The following PCMTD1 variants were observed in gnomAD, a reference collection of about 807,000 sequenced individuals.
PCMTD1 encodes protein-L-isoaspartate O-methyltransferase domain-containing protein 1.
Under a neutral mutation model 37.6 loss-of-function variants are expected in PCMTD1, and 12 were observed. That is an observed-to-expected ratio of 0.32 (90% CI 0.20 to 0.52). PCMTD1 has a LOEUF of 0.52. Among genes scored for constraint, PCMTD1 ranks in the 20% least tolerant of loss-of-function variants. The probability of loss-of-function intolerance (pLI) is 0.97; values close to 1 mark genes in which losing one functional copy is unlikely to be tolerated. For synonymous variants in PCMTD1, 117 were observed against 135.8 expected, an observed-to-expected ratio of 0.86 and a Z score of 0.96; for missense variants, 235 against 421.3, an observed-to-expected ratio of 0.56 and a Z score of 3.87.
chr8:51,836,250 C>T (rs1369723257), intron 3 of PCMTD1, among the ~76,000 whole-genome samples: 1 of 152,164 alleles, frequency 6.6e-6, no homozygotes, highest in Non-Finnish European at 1.5e-5. Context: ...ACCACTGTGA[C>T]AAGTAAACCC....
At chr8:51,829,544 G>C (rs11775601) in intron 5 of PCMTD1, among the ~76,000 whole-genome samples, 104,571 of 152,128 alleles carry the variant, frequency 0.69, 42,397 homozygotes, top group Non-Finnish European at 0.9. Flanking sequence ...GCTGGTGCCA[G>C]TGCCTGAAAC....
intron 1 of PCMTD1, among the ~76,000 whole-genome samples, chr8:51,884,301 T>G (rs1156574739): frequency 3.9e-5 from 6 of 152,226 alleles, no homozygotes; most frequent in African/African-American, 1.4e-4. Flanking sequence ...TCCATTTTTA[T>G]ATTTCAGTAT....
In PCMTD1 at chr8:51,892,705, ATTGT is replaced by A. The variant is rs539925593; in HGVS notation, c.-96+6221_-96+6224del. On this transcript the variant is annotated intron_variant, in intron 1 of 5. Transcript: ENST00000522514. The stretch of plus-strand genomic sequence containing the variant: ...ATCTATAATATACTCTGAGGCTGAA[ATTGT>A]TTTTTTAAGAATGAAGTGGTTCTTT... Among the ~76,000 whole-genome samples the A allele has an allele frequency of 3.3e-3, 503 of 152,346 alleles. 2 individuals are homozygous for A. The highest frequency in any genetic ancestry group is 0.011 in the African/African-American group (444 of 41,582).
At chr8:51,844,958 C>A (rs2038197418) in intron 3 of PCMTD1, 1 of 152,178 alleles carries the variant, frequency 6.6e-6, no homozygotes, top group African/African-American at 2.4e-5. Flanking sequence ...AAATCAGATA[C>A]ACAGTGAAAT....
rs754636089 is a variant in PCMTD1 at position 51,820,709 on chromosome 8, G to C, written c.716C>G (p.Ala239Gly). 8.1e-6 allele frequency: 13 copies of C among 1,595,866 alleles called. No homozygotes were observed. The highest frequency in any genetic ancestry group is 1.4e-5 in the African/African-American group (1 of 73,618). The change falls in exon 6 of 6, where the codon GCT becomes GGT. Residue 239 changes from alanine to glycine, a missense_variant. Physicochemically the swap from Ala to Gly is moderately conservative, Grantham distance 60. Transcript: ENST00000522514. The stretch of plus-strand genomic sequence containing the variant: ...AGCCAAGTCCTGTAGATTCCTGACA[G>C]CACAGGGAGCTAAAAACAAACATAA... ...KPDSVGLPPC[A>G]VRNLQDLARI...
Position 51,888,640 on chromosome 8 carries a change from T to C in PCMTD1, c.-96+10290A>G, listed in dbSNP as rs1339139383. 3.9e-5 allele frequency among the ~76,000 whole-genome samples: 6 copies of C among 152,354 alleles called. No homozygotes were observed. The East Asian group carries it at 1.2e-3, about 29-fold the overall frequency. ...TTAACCTTTCTATGACCTACTTAGT[T>C]TTAAGAATCAAATGAAATAATGTGC... On this transcript the variant is annotated intron_variant, in intron 1 of 5. Coordinates refer to ENST00000522514, the MANE Select transcript of PCMTD1 (RefSeq NM_052937.4).
chr8:51,882,955 G>A (rs1477551200), intron 1 of PCMTD1, among the ~76,000 whole-genome samples: 3 of 141,196 alleles, frequency 2.1e-5, no homozygotes, highest in African/African-American at 5.2e-5. Flanking sequence ...GTGAAACTCC[G>A]TCTTTACTAA....
chr8:51,862,061 TAGTATAGTATAGTAC>T (rs2038479432), intron 1 of PCMTD1, among the ~76,000 whole-genome samples: 1 of 151,616 alleles, frequency 6.6e-6, no homozygotes, highest in South Asian at 2.1e-4. Flanking sequence ...TAGTACAGTA[TAGTATAGTATAGTAC>T]AGTATAGTAT....
rs1345160914 is a variant in PCMTD1 at position 51,819,393 on chromosome 8, G to A, written c.*958C>T. ...AACTAGAAGTTCCATCTGCTAAAGT[G>A]CATCCGCTGACCAGGTCTACCCTGG... On this transcript the variant is annotated 3_prime_UTR_variant, in exon 6 of 6. Transcript: ENST00000522514. 6.6e-6 allele frequency: 1 copy of A among 152,006 alleles called. No homozygotes were observed. The highest frequency in any genetic ancestry group is 2.4e-5 in the African/African-American group (1 of 41,368). 9.4% of individuals were successfully genotyped at this position (152,006 alleles called of 1,614,324 possible).
chr8:51,889,865 CGTGTGTGT>C lies in PCMTD1; in HGVS notation c.-96+9057_-96+9064del, dbSNP rs3075018. ...ACAAATGGCCATATGTAAGGATATA[CGTGTGTGT>C]GTGTGTGTGTGTGTGTGTGTACACA... On this transcript the variant is annotated intron_variant, in intron 1 of 5. Coordinates refer to ENST00000522514, the MANE Select transcript of PCMTD1 (RefSeq NM_052937.4). 2.4e-3 allele frequency among the ~76,000 whole-genome samples: 362 copies of C among 149,088 alleles called. No homozygotes were observed. The East Asian group carries it at 0.03, about 12-fold the overall frequency.
At chr8:51,822,427 T>C (rs2037861830) in intron 5 of PCMTD1, among the ~76,000 whole-genome samples, 1 of 152,164 alleles carries the variant, frequency 6.6e-6, no homozygotes, top group South Asian at 2.1e-4. Flanking sequence ...CAGATGCTGA[T>C]ATCAGTGACT....
intron 1 of PCMTD1, among the ~76,000 whole-genome samples, chr8:51,881,708 T>C (rs1326736935): frequency 6.6e-6 from 1 of 152,206 alleles, no homozygotes; most frequent in Non-Finnish European, 1.5e-5. Flanking sequence ...TAGGTTTTAT[T>C]ATACCCATTT....
rs1007880253 is a variant in PCMTD1 at position 51,843,770 on chromosome 8, T to G, written c.410+1891A>C. Among the ~76,000 whole-genome samples the G allele has an allele frequency of 5.3e-5, 8 of 152,156 alleles. No individual in the cohort carries two copies. In the East Asian group the frequency reaches 1.5e-3, roughly 29 times the overall value. On this transcript the variant is annotated intron_variant, in intron 3 of 5. Coordinates refer to ENST00000522514, the MANE Select transcript of PCMTD1 (RefSeq NM_052937.4). ...CCTCTTGCCAGCAATAAGCTTGAGC[T>G]CCACAGACACTTGCACAGAGTTGCT...
intron 2 of PCMTD1, among the ~76,000 whole-genome samples, chr8:51,855,174 C>CAA (rs1306890644): frequency 9.6e-5 from 4 of 41,882 alleles, no homozygotes; most frequent in Non-Finnish European, 1.6e-4. Context: ...AACTCCATCT[C>CAA]AAAAAAAAAA....
intron 2 of PCMTD1, among the ~76,000 whole-genome samples, chr8:51,847,949 T>C (rs2038246561): frequency 1.3e-5 from 2 of 151,796 alleles, no homozygotes; most frequent in South Asian, 4.2e-4. Flanking sequence ...GGCTTAGTGG[T>C]GCATGCCTGT....
At chr8:51,874,057 G>A (rs1018834616) in intron 1 of PCMTD1, among the ~76,000 whole-genome samples, 4 of 151,686 alleles carry the variant, frequency 2.6e-5, no homozygotes, top group South Asian at 2.1e-4. Context: ...GCACCACCAC[G>A]CCTGGCTAAT....
At chr8:51,831,776 C>T (rs4518654) in intron 4 of PCMTD1, among the ~76,000 whole-genome samples, 146,722 of 152,336 alleles carry the variant, frequency 0.96, 70,753 homozygotes, top group East Asian at 1. Context: ...GATGTTTTAA[C>T]GCAAATGGGA....
chr8:51,820,581 T>G lies in PCMTD1; in HGVS notation c.844A>C (p.Lys282Gln), dbSNP rs1224810630. 2 of 1,612,684 alleles carry G rather than the reference T, an allele frequency of 1.2e-6. No individual in the cohort carries two copies. The highest frequency in any genetic ancestry group is 1.7e-6 in the Non-Finnish European group (2 of 1,179,678). The change falls in exon 6 of 6, where the codon AAA becomes CAA. Residue 282 changes from lysine to glutamine, a missense_variant. Lys to Gln is a moderately conservative substitution (Grantham distance 53). Transcript: ENST00000522514. Reference sequence around the variant, plus strand: ...AATACGTAAGTGTTAATTCTCTGTTTAACTCTCTTTCTTTTCCTTTTGGGT... The same window carrying G: ...AATACGTAAGTGTTAATTCTCTGTTGAACTCTCTTTCTTTTCCTTTTGGGT... ...APPKRKRKRVKQRINTYVFVG... is the reference protein window; with the variant it reads ...APPKRKRKRVQQRINTYVFVG...
chr8:51,871,348 G>C (rs2038636678), intron 1 of PCMTD1, among the ~76,000 whole-genome samples: 2 of 152,298 alleles, frequency 1.3e-5, no homozygotes, highest in East Asian at 3.9e-4. Context: ...AGACAACACA[G>C]TTATCTTCTG....
Sources: allele counts gnomAD v4.1 joint callset (sites outside exome capture counted in the v4.1 genomes callset), GRCh38; gene constraint gnomAD v4.1.1; transcripts MANE v1.5; gene names NCBI Gene and HGNC (gene_info 2026-07-23, HGNC 2026-07-21).